KIF13B: variants seen among roughly 807,000 people sequenced by gnomAD.
KIF13B encodes the protein kinesin-like protein KIF13B.
A neutral mutation model predicts 222.0 loss-of-function variants in KIF13B; 127 were observed. The observed-to-expected ratio is 0.57, with a 90% confidence interval of 0.50 to 0.66. The LOEUF (loss-of-function observed/expected upper bound fraction) is 0.66, where lower values mean the gene tolerates loss of function less well. Ranked by LOEUF, KIF13B falls within the 30% of genes least tolerant of loss-of-function variation. The pLI is 0.00. For missense variants in KIF13B, 2,173 were observed against 2,379.0 expected (o/e 0.91, Z 1.80); for synonymous variants, 976 against 919.0 (o/e 1.06, Z -1.12).
In KIF13B at chr8:29,140,437, A is replaced by G. The variant is rs1438551221; in HGVS notation, c.2484+31T>C. On this transcript the variant is annotated intron_variant, in intron 20 of 39. Coordinates refer to ENST00000524189, the MANE Select transcript of KIF13B (RefSeq NM_015254.4). ...CCTCTTGTTTCTTAAACTATTCTCTACAGGAAACAAGGCATGAAGAGAAAA... is the reference window on the plus strand; with the variant it reads ...CCTCTTGTTTCTTAAACTATTCTCTGCAGGAAACAAGGCATGAAGAGAAAA... 1.9e-6 allele frequency: 3 copies of G among 1,601,826 alleles called. No individual in the cohort carries two copies. In the Admixed American group the frequency reaches 5.1e-5, roughly 27 times the overall value.
At chr8:29,200,891 C>G (rs1348151898) in intron 2 of KIF13B, among the ~76,000 whole-genome samples, 1 of 152,158 alleles carries the variant, frequency 6.6e-6, no homozygotes, top group East Asian at 1.9e-4. Flanking sequence ...AGTCACATTG[C>G]GCCCTCCTTG....
chr8:29,118,327 T>C (rs1241857951), intron 30 of KIF13B, among the ~76,000 whole-genome samples: 2 of 120,658 alleles, frequency 1.7e-5, no homozygotes, highest in African/African-American at 6.2e-5. Context: ...CCATCTCTAC[T>C]AAAAAAAAAA....
intron 11 of KIF13B, 132 bp from the exon 12 acceptor site, chr8:29,165,904 T>TTCGATTATAGATCGAAGTACC (rs1554610886): frequency 3.5e-6 from 2 of 567,854 alleles, no homozygotes; most frequent in Non-Finnish European, 6.2e-6. Context: ...TGACATCTAC[T>TTCGATTATAGATCGAAGTACC]TCGATTGTAG....
chr8:29,134,593 G>C (rs958554022), intron 21 of KIF13B, among the ~76,000 whole-genome samples: 6 of 152,308 alleles, frequency 3.9e-5, no homozygotes, highest in East Asian at 1.9e-4. Flanking sequence ...AACAGAACAA[G>C]GTTGTCAGGC....
intron 14 of KIF13B, 96 bp downstream of exon 14, chr8:29,155,630 G>T: frequency 9.6e-7 from 1 of 1,046,380 alleles, no homozygotes; most frequent in South Asian, 1.4e-5. Context: ...TACTTAATGT[G>T]GTCAACTTAA....
Position 29,108,212 on chromosome 8 carries a change from G to A in KIF13B, c.4162-20C>T. 1 of 1,608,702 alleles carries A rather than the reference G, an allele frequency of 6.2e-7. No homozygotes were observed. Among genetic ancestry groups the A allele is most frequent in the Non-Finnish European group, 8.5e-7 (1 of 1,177,314 alleles). The stretch of plus-strand genomic sequence containing the variant: ...AGACAACTGAAGAAGAAAGAAAGGG[G>A]GGTTAGTTATTTATGCATCAGAGCA... On this transcript the variant is annotated intron_variant, in intron 34 of 39. Coordinates refer to ENST00000524189, the MANE Select transcript of KIF13B (RefSeq NM_015254.4).
At chr8:29,207,771 TTTAAGG>T (rs1376697579) in intron 2 of KIF13B, among the ~76,000 whole-genome samples, 2 of 152,116 alleles carry the variant, frequency 1.3e-5, no homozygotes, top group African/African-American at 4.8e-5. Context: ...ATACACTTAA[TTTAAGG>T]TCACAGACCA....
chr8:29,154,828 G>A (rs1177047619), intron 14 of KIF13B, among the ~76,000 whole-genome samples: 1 of 152,142 alleles, frequency 6.6e-6, no homozygotes, highest in Non-Finnish European at 1.5e-5. Flanking sequence ...ACCAGCTTCT[G>A]CTCCTGTTTT....
At position 29,070,688 on chromosome 8, in the gene KIF13B, C is replaced by A; in HGVS notation, c.5297G>T (p.Arg1766Leu). Residue 1766 changes from arginine (R) to leucine (L), a missense_variant, in exon 40 of 40, where the codon CGG becomes CTG. Transcript: ENST00000524189. This position sits in a 1 kb window ranked among gnomAD's most constrained non-coding sequence, Gnocchi z 4.1. ...CACAGGGCCCGTGGCCCTGCGGACCCGGCTGGGCCTGACCAGCAGCCCGTA... is the reference window on the plus strand; with the variant it reads ...CACAGGGCCCGTGGCCCTGCGGACCAGGCTGGGCCTGACCAGCAGCCCGTA... ...PGYGLLVRPS[R>L]VRRATGPVRR... The A allele has an allele frequency of 6.4e-7, 1 of 1,560,506 alleles. No homozygotes were observed. Among genetic ancestry groups the A allele is most frequent in the Non-Finnish European group, 8.7e-7 (1 of 1,152,812 alleles).
In KIF13B at chr8:29,148,562, G is replaced by A. The variant is rs373671167; in HGVS notation, c.1813+15C>T. On this transcript the variant is annotated intron_variant, in intron 16 of 39. Transcript: ENST00000524189. Reference sequence around the variant, plus strand: ...AACTGGAACTGATTCTCAAGTGCACGCCCGACTTGCTCACCATTGCTGCCC... The same window carrying A: ...AACTGGAACTGATTCTCAAGTGCACACCCGACTTGCTCACCATTGCTGCCC... 16 of 1,565,478 alleles carry A rather than the reference G, an allele frequency of 1.0e-5. No individual in the cohort carries two copies. The highest frequency in any genetic ancestry group is 9.2e-5 in the East Asian group (4 of 43,554).
chr8:29,228,472 A>AAAAAAAAAATATATAT, intron 2 of KIF13B, among the ~76,000 whole-genome samples: 10 of 117,084 alleles, frequency 8.5e-5, no homozygotes, highest in African/African-American at 3.3e-4. Context: ...ATCTTAAAAA[A>AAAAAAAAAATATATAT]ATATATATAT....
chr8:29,215,518 G>A (rs893148201), intron 2 of KIF13B, among the ~76,000 whole-genome samples: 18 of 152,042 alleles, frequency 1.2e-4, no homozygotes, highest in African/African-American at 3.9e-4. Flanking sequence ...GGGAGACCCT[G>A]TCTTTACCAA....
chr8:29,207,594 C>CA lies in KIF13B; in HGVS notation c.150-11396dup, dbSNP rs202133085. The stretch of plus-strand genomic sequence containing the variant: ...TTCTCCCAGTGTCCTGATACTCATC[C>CA]AAAAAAAAAAGTTTCAACAGACTCA... On this transcript the variant is annotated intron_variant, in intron 2 of 39. Coordinates refer to ENST00000524189, the MANE Select transcript of KIF13B (RefSeq NM_015254.4). 1.3e-4 allele frequency among the ~76,000 whole-genome samples: 19 copies of CA among 142,664 alleles called. No homozygotes were observed. In the East Asian group the frequency reaches 1.8e-3, roughly 14 times the overall value. 93.6% of individuals were successfully genotyped at this position (142,664 alleles called of 152,430 possible).
At chr8:29,145,737 G>C (rs1483259344) in intron 18 of KIF13B, 1 of 141,844 alleles carries the variant, frequency 7.1e-6, no homozygotes, top group Non-Finnish European at 1.5e-5. Flanking sequence ...AAATTCATCT[G>C]AATAGAAAAT....
intron 13 of KIF13B, among the ~76,000 whole-genome samples, chr8:29,159,391 C>A (rs1811672826): frequency 6.6e-6 from 1 of 152,152 alleles, no homozygotes; most frequent in Non-Finnish European, 1.5e-5. Flanking sequence ...CTCAAGTGAT[C>A]TGCCCGCCTC....
chr8:29,199,107 T>C (rs1813571271), intron 2 of KIF13B, among the ~76,000 whole-genome samples: 1 of 146,732 alleles, frequency 6.8e-6, no homozygotes, highest in South Asian at 2.1e-4. Flanking sequence ...GAAAAATGTT[T>C]TCGAAAATTA....
In KIF13B at chr8:29,068,013, G is replaced by A. The variant is rs114208020; in HGVS notation, c.*2491C>T. On this transcript the variant is annotated 3_prime_UTR_variant, in exon 40 of 40. Coordinates refer to ENST00000524189, the MANE Select transcript of KIF13B (RefSeq NM_015254.4). The surrounding 1 kb of genome is among the most constrained non-coding windows in gnomAD (Gnocchi z 4.4). Reference sequence around the variant, plus strand: ...GCCTCAGTCCTTCATAAGGGCCCGAGGGAAGTGGCGGGGTGGGGCCAGGGA... The same window carrying A: ...GCCTCAGTCCTTCATAAGGGCCCGAAGGAAGTGGCGGGGTGGGGCCAGGGA... 4,153 of 152,348 alleles carry A rather than the reference G, an allele frequency of 0.027. 204 individuals are homozygous for A. Among genetic ancestry groups the A allele is most frequent in the African/African-American group, 0.095 (3,952 of 41,514 alleles). The allele number at this position is 152,348 out of a possible 1,614,324, so 9.4% of individuals were successfully genotyped here.
intron 34 of KIF13B, 51 bp downstream of exon 34, chr8:29,109,383 G>T (rs1484710600): frequency 2.9e-6 from 4 of 1,362,370 alleles, no homozygotes; most frequent in African/African-American, 2.9e-5. Flanking sequence ...AAGAAAAGAG[G>T]AGAGGAGAGA....
intron 38 of KIF13B, among the ~76,000 whole-genome samples, chr8:29,074,667 G>A (rs1242704863): frequency 6.6e-6 from 1 of 152,228 alleles, no homozygotes; most frequent in Non-Finnish European, 1.5e-5. Flanking sequence ...GCAAATTCGT[G>A]AATGCCCAGT....
Sources: allele counts gnomAD v4.1 joint callset (sites outside exome capture counted in the v4.1 genomes callset), GRCh38; gene constraint gnomAD v4.1.1; non-coding constraint Gnocchi (gnomAD v3.1); transcripts MANE v1.5; gene names NCBI Gene and HGNC (gene_info 2026-07-23, HGNC 2026-07-21).